The following DLC1 variants were observed in gnomAD, a reference collection of about 807,000 sequenced individuals.
The protein encoded by DLC1 is rho GTPase-activating protein 7.
A neutral mutation model predicts 140.3 loss-of-function variants in DLC1; 54 were observed. The observed-to-expected ratio is 0.38, with a 90% CI of 0.31 to 0.48. DLC1 has a LOEUF of 0.48. Ranked by LOEUF, DLC1 falls within the 20% of genes least tolerant of loss-of-function variation. The pLI is 0.96. For missense variants in DLC1, 2,536 were observed against 1,907.0 expected (o/e 1.33, Z -6.14); for synonymous variants, 986 against 728.1 (o/e 1.35, Z -5.70).
chr8:13,290,942 C>G (rs540299816), intron 5 of DLC1, among the ~76,000 whole-genome samples: 7 of 152,216 alleles, frequency 4.6e-5, no homozygotes, highest in African/African-American at 1.7e-4. Flanking sequence ...GAGTTTCATT[C>G]TCACTGCCCA....
intron 2 of DLC1, among the ~76,000 whole-genome samples, chr8:13,448,572 A>G (rs1798902933): frequency 6.6e-6 from 1 of 152,156 alleles, no homozygotes; most frequent in Non-Finnish European, 1.5e-5. Flanking sequence ...CATGTTGGCC[A>G]GGCTGATCTC....
intron 1 of DLC1, among the ~76,000 whole-genome samples, chr8:13,573,689 G>C (rs1229426498): frequency 2.6e-5 from 4 of 152,024 alleles, no homozygotes; most frequent in Non-Finnish European, 5.9e-5. Flanking sequence ...GTTTTTTCCT[G>C]CATCCATTGA....
chr8:13,257,712 G>A (rs1050125287), intron 5 of DLC1, among the ~76,000 whole-genome samples: 3 of 95,788 alleles, frequency 3.1e-5, no homozygotes, highest in East Asian at 5.1e-4. Flanking sequence ...TGTCAACTAC[G>A]GAAAAGAAGA....
At chr8:13,404,916 A>C (rs1321607475) in intron 2 of DLC1, among the ~76,000 whole-genome samples, 2 of 152,036 alleles carry the variant, frequency 1.3e-5, no homozygotes, top group Non-Finnish European at 2.9e-5. Context: ...CTGAGGCAAG[A>C]GAGTCGCTTG....
At chr8:13,153,531 C>G (rs1585785171) in intron 5 of DLC1, among the ~76,000 whole-genome samples, 2 of 152,334 alleles carry the variant, frequency 1.3e-5, no homozygotes, top group South Asian at 4.1e-4. Context: ...CTCCAGCAGC[C>G]TGCTCTTATT....
At chr8:13,206,841 C>T (rs116454060) in intron 5 of DLC1, among the ~76,000 whole-genome samples, 1,948 of 152,080 alleles carry the variant, frequency 0.013, 51 homozygotes, top group African/African-American at 0.044. Flanking sequence ...AGAACTCGAA[C>T]AGCACATGAC....
intron 2 of DLC1, among the ~76,000 whole-genome samples, chr8:13,427,204 G>T (rs948955562): frequency 5.3e-5 from 8 of 152,166 alleles, no homozygotes; most frequent in Non-Finnish European, 8.8e-5. Flanking sequence ...CAGCTTTGCA[G>T]TTGTTTTCCC....
intron 4 of DLC1, among the ~76,000 whole-genome samples, chr8:13,377,175 T>C (rs1348456086): frequency 6.6e-6 from 1 of 152,180 alleles, no homozygotes; most frequent in Non-Finnish European, 1.5e-5. Context: ...AAGGGCAGCA[T>C]CTTATTTCTG....
At chr8:13,397,774 C>T (rs113265673) in intron 3 of DLC1, among the ~76,000 whole-genome samples, 125 of 151,070 alleles carry the variant, frequency 8.3e-4, no homozygotes, top group African/African-American at 2.9e-3. Flanking sequence ...AGTTTGAGGC[C>T]ACAGTGAGTT....
At chr8:13,208,376 G>A (rs1231742854) in intron 5 of DLC1, among the ~76,000 whole-genome samples, 7 of 152,090 alleles carry the variant, frequency 4.6e-5, no homozygotes, top group African/African-American at 7.2e-5. Flanking sequence ...TTGTTATCAG[G>A]CTCCTTGCCT....
chr8:13,127,760 G>C (rs1421678792), intron 5 of DLC1, among the ~76,000 whole-genome samples: 1 of 152,222 alleles, frequency 6.6e-6, no homozygotes, highest in African/African-American at 2.4e-5. Context: ...ACATCCTTTA[G>C]AGACTCCTGC....
chr8:13,319,819 C>CTTTTTTTTTTT lies in DLC1; in HGVS notation c.1315-14518_1315-14517insAAAAAAAAAAA, dbSNP rs547737556. On this transcript the variant is annotated intron_variant, in intron 4 of 17. Coordinates refer to ENST00000276297, the MANE Select transcript of DLC1 (RefSeq NM_182643.3). ...CCAACCATTGTTTAATTCTCTCTCT[C>CTTTTTTTTTTT]TCTTTTTTTTTTTTTTTTTTTGAGA... Among the ~76,000 whole-genome samples, 498 of 76,116 alleles carry CTTTTTTTTTTT rather than the reference C, an allele frequency of 6.5e-3. 77 individuals carry two copies. Among genetic ancestry groups the CTTTTTTTTTTT allele is most frequent in the African/African-American group, 0.017 (340 of 20,270 alleles). The allele number at this position is 76,116 out of a possible 152,430, so 49.9% of individuals were successfully genotyped here. A position where few individuals can be genotyped will look rare whatever the true frequency, so the allele number is the denominator to read the frequency against.
In DLC1 at chr8:13,341,580, T is replaced by C. The variant is rs188011700; in HGVS notation, c.1315-36278A>G. On this transcript the variant is annotated intron_variant, in intron 4 of 17. Coordinates refer to ENST00000276297, the MANE Select transcript of DLC1 (RefSeq NM_182643.3). ...TTTGAGAATTCCCAGGTGGCCCAGA[T>C]GGGAGAATCGCTGCTGGGCTTCAGA... 4.3e-3 allele frequency: 658 copies of C among 152,234 alleles called. 1 individual carries two copies. The highest frequency in any genetic ancestry group is 7.0e-3 in the Non-Finnish European group (474 of 68,020). 9.4% of individuals were successfully genotyped at this position (152,234 alleles called of 1,614,324 possible).
intron 1 of DLC1, among the ~76,000 whole-genome samples, chr8:13,540,070 A>C (rs927776618): frequency 6.6e-6 from 1 of 152,204 alleles, no homozygotes; most frequent in Non-Finnish European, 1.5e-5. Context: ...CCTAGTCGCA[A>C]AAGACTTTGA....
chr8:13,474,688 C>T (rs1800364920), intron 2 of DLC1, among the ~76,000 whole-genome samples: 2 of 152,200 alleles, frequency 1.3e-5, no homozygotes, highest in African/African-American at 4.8e-5. Context: ...TTGCACCAGC[C>T]TCATCTGGAT....
At chr8:13,566,031 C>T (rs1585280728) in intron 1 of DLC1, among the ~76,000 whole-genome samples, 1 of 152,300 alleles carries the variant, frequency 6.6e-6, no homozygotes, top group Non-Finnish European at 1.5e-5. Flanking sequence ...ATTCACTCAA[C>T]AGAGATTTCT....
At chr8:13,282,448 A>G (rs528026720) in intron 5 of DLC1, among the ~76,000 whole-genome samples, 1 of 152,324 alleles carries the variant, frequency 6.6e-6, no homozygotes, top group South Asian at 2.1e-4. Context: ...AAGGTTAAAC[A>G]TTTGCAATTT....
At chr8:13,415,394 A>G (rs539589267) in intron 2 of DLC1, among the ~76,000 whole-genome samples, 5 of 129,980 alleles carry the variant, frequency 3.8e-5, no homozygotes, top group African/African-American at 1.5e-4. Context: ...ACAGGGTAAA[A>G]TATTTAATTT....
intron 2 of DLC1, among the ~76,000 whole-genome samples, chr8:13,489,637 T>C (rs1801146120): frequency 6.6e-6 from 1 of 151,870 alleles, no homozygotes; most frequent in South Asian, 2.1e-4. Flanking sequence ...ATTAGAAAGA[T>C]ACGTGTGAGG....
Sources: gnomAD v4.1 joint callset for allele counts (sites outside exome capture counted in the v4.1 genomes callset) on GRCh38, gnomAD v4.1.1 for gene constraint, MANE v1.5 for transcripts, NCBI Gene and HGNC (gene_info 2026-07-23, HGNC 2026-07-21) for gene names.